C10orf67: variants seen among roughly 807,000 people sequenced by gnomAD.
C10orf67 encodes uncharacterized protein C10orf67, mitochondrial.
C10orf67 carries 60 observed loss-of-function variants against 35.6 expected under a neutral mutation model. The ratio of observed to expected loss-of-function variants is 1.68; its 90% CI spans 1.37 to 2.09. C10orf67 has a LOEUF of 2.09. Ranked by LOEUF, C10orf67 falls within the 30% of genes most tolerant of loss-of-function variation. The probability of loss-of-function intolerance (pLI) is 0.00; values close to 1 mark genes in which losing one functional copy is unlikely to be tolerated. For missense variants in C10orf67, 474 were observed against 330.2 expected, an observed-to-expected ratio of 1.44 and a Z score of -3.38; for synonymous variants, 167 against 115.8, an observed-to-expected ratio of 1.44 and a Z score of -2.84.
chr10:23,282,701 T>C (rs4528217), intron 7 of C10orf67, among the ~76,000 whole-genome samples: 127,041 of 151,998 alleles, frequency 0.84, 54,410 homozygotes, highest in Non-Finnish European at 0.92. Flanking sequence ...CATGGTGGCA[T>C]GTGCCTGTAA....
At chr10:23,339,175 G>T (rs968357332) in intron 1 of C10orf67, among the ~76,000 whole-genome samples, 4 of 152,156 alleles carry the variant, frequency 2.6e-5, no homozygotes, top group Non-Finnish European at 4.4e-5. Flanking sequence ...TATTGAATTA[G>T]ATGACACTGA....
intron 8 of C10orf67, among the ~76,000 whole-genome samples, chr10:23,269,274 T>G (rs1003381237): frequency 4.6e-5 from 7 of 152,148 alleles, no homozygotes; most frequent in African/African-American, 1.7e-4. Flanking sequence ...AATAGATATA[T>G]AAATAAACAT....
At chr10:23,278,742 GTCAGT>G (rs1170614602) in intron 8 of C10orf67, among the ~76,000 whole-genome samples, 1 of 152,178 alleles carries the variant, frequency 6.6e-6, no homozygotes, top group African/African-American at 2.4e-5. Flanking sequence ...ACCAAGAGAG[GTCAGT>G]TCAGGGAGAA....
intron 1 of C10orf67, among the ~76,000 whole-genome samples, chr10:23,334,553 A>T (rs1455425067): frequency 2.0e-5 from 3 of 152,162 alleles, no homozygotes; most frequent in African/African-American, 7.2e-5. Flanking sequence ...TGCTGGCCAA[A>T]CCTCAGATTT....
chr10:23,212,778 TGAGAGAGAGAGAGAGAGA>T (rs58972226), intron 15 of C10orf67, among the ~76,000 whole-genome samples: 40 of 101,162 alleles, frequency 4.0e-4, no homozygotes, highest in African/African-American at 7.9e-4. Context: ...AATATTGTAT[TGAGAGAGAGAGAGAGAGA>T]GAGAGAGAGA....
At chr10:23,306,799 A>C (rs1247319417) in intron 4 of C10orf67, among the ~76,000 whole-genome samples, 1 of 152,192 alleles carries the variant, frequency 6.6e-6, no homozygotes, top group Admixed American at 6.5e-5. Context: ...TGATTGTGGT[A>C]ATCATTATAC....
At chr10:23,312,535 TA>T (rs1844537254) in intron 4 of C10orf67, among the ~76,000 whole-genome samples, 1 of 152,206 alleles carries the variant, frequency 6.6e-6, no homozygotes, top group South Asian at 2.1e-4. Context: ...CATTTAAATC[TA>T]AAAGCTGAAC....
At chr10:23,254,834 A>T (rs895988530) in intron 10 of C10orf67, among the ~76,000 whole-genome samples, 49 of 152,236 alleles carry the variant, frequency 3.2e-4, no homozygotes, top group Middle Eastern at 3.4e-3. Flanking sequence ...AGTACATTTA[A>T]TTTCCACAAA....
intron 7 of C10orf67, among the ~76,000 whole-genome samples, chr10:23,286,526 A>C (rs1588654088): frequency 1.4e-5 from 1 of 72,284 alleles, no homozygotes; most frequent in Non-Finnish European, 2.7e-5. Flanking sequence ...GAGGGAAGGA[A>C]GGGTGGGAAG....
chr10:23,209,539 TCTC>T (rs1469673369), intron 15 of C10orf67, among the ~76,000 whole-genome samples: 4 of 152,116 alleles, frequency 2.6e-5, no homozygotes, highest in East Asian at 1.9e-4. Context: ...TCTTAAGTGT[TCTC>T]ATCATAAAAG....
At chr10:23,254,074 C>G (rs1297334649) in intron 10 of C10orf67, among the ~76,000 whole-genome samples, 1 of 152,118 alleles carries the variant, frequency 6.6e-6, no homozygotes, top group Non-Finnish European at 1.5e-5. Flanking sequence ...TTGACAGGTG[C>G]AAACACTGGA....
intron 4 of C10orf67, chr10:23,318,369 G>T (rs1217140351): frequency 6.5e-6 from 1 of 152,948 alleles, no homozygotes; most frequent in East Asian, 1.9e-4. Context: ...GTACCTACAT[G>T]TAGATCTTCC....
chr10:23,302,422 C>A (rs1844110976), intron 5 of C10orf67, among the ~76,000 whole-genome samples: 1 of 152,080 alleles, frequency 6.6e-6, no homozygotes, highest in Non-Finnish European at 1.5e-5. Flanking sequence ...GTTACTTAAC[C>A]ACCCTGTCTC....
At chr10:23,328,110 G>A (rs2132366255) in intron 2 of C10orf67, among the ~76,000 whole-genome samples, 1 of 152,044 alleles carries the variant, frequency 6.6e-6, no homozygotes, top group East Asian at 1.9e-4. Flanking sequence ...AAGTTTGTAG[G>A]AGCTAAAAAT....
rs117853832 is a variant in C10orf67, at chr10:23,308,389, T to C, written c.547-4930A>G. Reference sequence around the variant, plus strand: ...AAATACAGCTCTCCCCATCTCCTCCTACGGGCTAACATCCAACTCCCTTAG... The same window carrying C: ...AAATACAGCTCTCCCCATCTCCTCCCACGGGCTAACATCCAACTCCCTTAG... On this transcript the variant is annotated intron_variant, in intron 4 of 15. Coordinates refer to ENST00000636213, the MANE Select transcript of C10orf67 (RefSeq NM_001371909.1). Among the ~76,000 whole-genome samples, 38 of 152,324 alleles carry C rather than the reference T, an allele frequency of 2.5e-4. No homozygotes were observed. In the East Asian group the frequency reaches 6.4e-3, roughly 25 times the overall value.
At chr10:23,337,751 A>G (rs978024324) in intron 1 of C10orf67, among the ~76,000 whole-genome samples, 1 of 152,192 alleles carries the variant, frequency 6.6e-6, no homozygotes, top group Non-Finnish European at 1.5e-5. Flanking sequence ...TGAAGCCCTG[A>G]GAACCCAACC....
chr10:23,255,431 A>G (rs1842573979), intron 10 of C10orf67, among the ~76,000 whole-genome samples: 1 of 152,336 alleles, frequency 6.6e-6, no homozygotes, highest in African/African-American at 2.4e-5. Flanking sequence ...GAAGCCATAC[A>G]GGATTTAGGC....
At chr10:23,217,430 A>T (rs1659129032) in intron 15 of C10orf67, among the ~76,000 whole-genome samples, 1 of 152,140 alleles carries the variant, frequency 6.6e-6, no homozygotes, top group African/African-American at 2.4e-5. Flanking sequence ...ATCCTGTAAC[A>T]TTTTGCCAGC....
chr10:23,227,501 G>A (rs1841773179), intron 13 of C10orf67, among the ~76,000 whole-genome samples: 1 of 152,136 alleles, frequency 6.6e-6, no homozygotes, highest in African/African-American at 2.4e-5. Flanking sequence ...GGCAAAAACT[G>A]GAAGCAGTCC....
Sources: gnomAD v4.1 joint callset for allele counts (sites outside exome capture counted in the v4.1 genomes callset) on GRCh38, gnomAD v4.1.1 for gene constraint, MANE v1.5 for transcripts, NCBI Gene and HGNC (gene_info 2026-07-23, HGNC 2026-07-21) for gene names.